Variants in TMCC2 observed in about 807,000 individuals in gnomAD.
TMCC2 encodes the protein transmembrane and coiled-coil domains protein 2.
In TMCC2, 16 loss-of-function variants were observed where a neutral mutation model predicts 49.4. The ratio of observed to expected loss-of-function variants is 0.32; its 90% CI spans 0.22 to 0.49. TMCC2 has a LOEUF of 0.49. TMCC2 is among the 20% of genes least tolerant of loss of function. The probability of loss-of-function intolerance (pLI) is 0.99; values close to 1 mark genes in which losing one functional copy is unlikely to be tolerated. For synonymous variants in TMCC2, 397 were observed against 434.1 expected (o/e 0.91, Z 1.06); for missense variants, 762 against 989.8 (o/e 0.77, Z 3.09).
intron 1 of TMCC2, among the ~76,000 whole-genome samples, chr1:205,240,151 G>A (rs1338282042): frequency 1.3e-5 from 2 of 152,174 alleles, no homozygotes; most frequent in African/African-American, 4.8e-5. Context: ...GTGTCTCCTG[G>A]TCCTCCAAGT....
At chr1:205,267,336 C>G (rs377470146) in intron 2 of TMCC2, among the ~76,000 whole-genome samples, 1 of 152,152 alleles carries the variant, frequency 6.6e-6, no homozygotes, top group African/African-American at 2.4e-5. Flanking sequence ...GTGACTTATG[C>G]CTGTAATTGG....
At chr1:205,235,836 G>A (rs543857015) in intron 1 of TMCC2, among the ~76,000 whole-genome samples, 3 of 152,152 alleles carry the variant, frequency 2.0e-5, no homozygotes, top group African/African-American at 4.8e-5. Context: ...TTGGGAGGCC[G>A]AGGCAGGGGG....
intron 2 of TMCC2, chr1:205,256,381 A>G (rs1271211043): frequency 1.1e-5 from 17 of 1,551,052 alleles, no homozygotes; most frequent in Admixed American, 7.8e-5. Context: ...TCCTGCTGGC[A>G]CTGTCAAGAT....
At chr1:205,230,613 C>T (rs1459416800) in intron 1 of TMCC2, among the ~76,000 whole-genome samples, 1 of 152,164 alleles carries the variant, frequency 6.6e-6, no homozygotes, top group Non-Finnish European at 1.5e-5. Flanking sequence ...GAATCTTTGA[C>T]CAATGAGACC....
intron 1 of TMCC2, among the ~76,000 whole-genome samples, chr1:205,232,979 C>A (rs961838961): frequency 2.2e-4 from 16 of 73,686 alleles, no homozygotes; most frequent in Middle Eastern, 7.5e-3. Flanking sequence ...AACACACACA[C>A]AAAAAACAAC....
At chr1:205,263,171 C>T (rs1151785) in intron 2 of TMCC2, among the ~76,000 whole-genome samples, 37,692 of 151,930 alleles carry the variant, frequency 0.25, 6,190 homozygotes, top group Non-Finnish European at 0.36. Flanking sequence ...AAGCACGAGA[C>T]GGGGCTGGGT....
chr1:205,257,339 A>T, intron 2 of TMCC2: 3 of 1,232,198 alleles, frequency 2.4e-6, no homozygotes, highest in Non-Finnish European at 3.0e-6. Flanking sequence ...CATCGCCGGC[A>T]CGGCTTCGGG....
rs1278565621 is a variant in TMCC2 at position 205,268,982 on chromosome 1, C to T, written c.780C>T (p.Leu260=). The T allele has an allele frequency of 6.2e-7, 1 of 1,612,998 alleles. No homozygotes were observed. The highest frequency in any genetic ancestry group is 1.3e-5 in the African/African-American group (1 of 75,026). ...AGGGAGACCTGGTGGCCCTGAGCCT[C>T]CCCGCCGGCCATGGTGACACCGACG... The part of the protein sequence containing the change: ...VDKGDLVALS[L]PAGHGDTDGP... Residue 260 remains leucine, a synonymous_variant, in exon 3 of 5, where the codon CTC becomes CTT. Transcript: ENST00000358024.
rs1271007185 is a variant in TMCC2 at position 205,241,719 on chromosome 1, TGCCC to T, written c.428_431del (p.Ala143GlyfsTer115). ...TCCTACGCCATGTCCCTGCACGACC[TGCCC>T]GCCCGGCCCACCGCCTTCAACCGCG... On this transcript the variant is annotated frameshift_variant, in exon 2 of 5. Transcript: ENST00000358024. LOFTEE classifies it high-confidence loss of function. The surrounding 1 kb of genome is among the most constrained non-coding windows in gnomAD (Gnocchi z 7.3). 1 of 1,613,400 alleles carries T rather than the reference TGCCC, an allele frequency of 6.2e-7. No individual in the cohort carries two copies. The highest frequency in any genetic ancestry group is 1.7e-5 in the Admixed American group (1 of 60,010).
chr1:205,240,033 C>A (rs76954946), intron 1 of TMCC2, among the ~76,000 whole-genome samples: 3,705 of 152,206 alleles, frequency 0.024, 61 homozygotes, highest in East Asian at 0.067. Context: ...ATGACTGAGG[C>A]AGCCTGGTAA....
intron 2 of TMCC2, among the ~76,000 whole-genome samples, chr1:205,247,005 A>G (rs1660479290): frequency 2.0e-5 from 3 of 151,754 alleles, no homozygotes; most frequent in Non-Finnish European, 4.4e-5. Context: ...GGAGGGAGGA[A>G]CTCTTTTTTT....
chr1:205,250,339 G>C (rs530756077), intron 2 of TMCC2, among the ~76,000 whole-genome samples: 1 of 152,132 alleles, frequency 6.6e-6, no homozygotes, highest in East Asian at 1.9e-4. Context: ...TCAGGCGTCC[G>C]AGACCACCCT....
chr1:205,268,198 A>C (rs1260695157), intron 2 of TMCC2: 3 of 442,900 alleles, frequency 6.8e-6, no homozygotes, highest in Non-Finnish European at 9.0e-6. Flanking sequence ...GGCCTGCTCA[A>C]GGCAGGAGCC....
intron 1 of TMCC2, among the ~76,000 whole-genome samples, chr1:205,232,341 C>T (rs1026436146): frequency 5.5e-4 from 84 of 152,232 alleles, no homozygotes; most frequent in African/African-American, 2.0e-3. Context: ...CAGTAGACAT[C>T]CTGCAACAGG....
At chr1:205,254,936 G>A (rs1420115828) in intron 2 of TMCC2, among the ~76,000 whole-genome samples, 1 of 152,190 alleles carries the variant, frequency 6.6e-6, no homozygotes, top group Non-Finnish European at 1.5e-5. Context: ...CTTGGGCTGG[G>A]CATGGTGGCT....
intron 1 of TMCC2, chr1:205,229,039 G>A (rs532849940): frequency 1.5e-6 from 2 of 1,319,062 alleles, no homozygotes; most frequent in East Asian, 3.0e-5. Flanking sequence ...TGAATAATGT[G>A]TGAAGTGTTA....
intron 2 of TMCC2, chr1:205,246,391 A>T: frequency 2.2e-6 from 2 of 917,148 alleles, no homozygotes; most frequent in Non-Finnish European, 2.9e-6. Flanking sequence ...GGAAATGCCA[A>T]ATAAGCAGTC....
chr1:205,260,749 C>G (rs1661074101), intron 2 of TMCC2, among the ~76,000 whole-genome samples: 1 of 128,668 alleles, frequency 7.8e-6, no homozygotes, highest in Non-Finnish European at 1.6e-5. Context: ...TTTAACTGTT[C>G]TGGATATTTC....
At position 205,272,269 on chromosome 1, in the gene TMCC2, T is replaced by G. The variant is rs1574876144; in HGVS notation, c.*145T>G. The stretch of plus-strand genomic sequence containing the variant: ...CAGCTCCTGCCCCCTTCTCTGTACT[T>G]GCTTCTGTCTGACACCTTCTCCCTG... On this transcript the variant is annotated 3_prime_UTR_variant, in exon 5 of 5. Coordinates refer to ENST00000358024, the MANE Select transcript of TMCC2 (RefSeq NM_014858.4). 1.4e-6 allele frequency: 2 copies of G among 1,412,078 alleles called. No homozygotes were observed. The highest frequency in any genetic ancestry group is 5.0e-5 in the East Asian group (2 of 39,850). The allele number at this position is 1,412,078 out of a possible 1,614,324, so 87.5% of individuals were successfully genotyped here.
Sources: gnomAD v4.1 joint callset for allele counts (sites outside exome capture counted in the v4.1 genomes callset) on GRCh38, gnomAD v4.1.1 for gene constraint, Gnocchi (gnomAD v3.1) non-coding constraint, MANE v1.5 for transcripts, NCBI Gene and HGNC (gene_info 2026-07-23, HGNC 2026-07-21) for gene names.